The following CYB5R4 variants were observed in gnomAD, a reference collection of about 807,000 sequenced individuals.
CYB5R4 encodes N-terminal cytochrome b5 and cytochrome b5 oxidoreductase domain-containing protein.
In CYB5R4, 55 loss-of-function variants were observed where a neutral mutation model predicts 70.2. The ratio of observed to expected loss-of-function variants is 0.78; its 90% CI spans 0.63 to 0.98. The LOEUF is 0.98. Ranked by LOEUF, CYB5R4 falls within the 50% of genes least tolerant of loss-of-function variation. The probability of loss-of-function intolerance (pLI) is 0.00; values close to 1 mark genes in which losing one functional copy is unlikely to be tolerated. For missense variants in CYB5R4, 562 were observed against 612.6 expected, an observed-to-expected ratio of 0.92 and a Z score of 0.87; for synonymous variants, 197 against 199.5, an observed-to-expected ratio of 0.99 and a Z score of 0.11.
intron 10 of CYB5R4, among the ~76,000 whole-genome samples, chr6:83,925,810 A>G (rs981050341): frequency 1.3e-5 from 2 of 152,114 alleles, no homozygotes; most frequent in South Asian, 2.1e-4. Context: ...TCTTCTAATT[A>G]TCTTATCTTT....
chr6:83,955,784 G>A (rs1487141006), intron 15 of CYB5R4, among the ~76,000 whole-genome samples: 1 of 152,086 alleles, frequency 6.6e-6, no homozygotes, highest in Non-Finnish European at 1.5e-5. Flanking sequence ...TTCCATCAAA[G>A]CTTCATAATA....
At chr6:83,893,193 C>G (rs1175012684) in intron 2 of CYB5R4, among the ~76,000 whole-genome samples, 1 of 152,212 alleles carries the variant, frequency 6.6e-6, no homozygotes, top group Admixed American at 6.5e-5. Flanking sequence ...GCCCTCTTCA[C>G]ATAGCACTCT....
intron 10 of CYB5R4, among the ~76,000 whole-genome samples, chr6:83,925,287 C>T (rs1048831797): frequency 5.9e-5 from 9 of 151,994 alleles, no homozygotes; most frequent in African/African-American, 1.7e-4. Context: ...AACTCTGTCA[C>T]GAGAACACCA....
rs180748821 is a variant in CYB5R4, at chr6:83,877,224, A to G, written c.229+12896A>G. Among the ~76,000 whole-genome samples the G allele has an allele frequency of 2.2e-3, 338 of 152,218 alleles. 6 individuals are homozygous for G. The South Asian group carries it at 0.035, about 16-fold the overall frequency. On this transcript the variant is annotated intron_variant, in intron 2 of 15. Transcript: ENST00000369681. ...TATTTTGCCTTCATTTTAAAGATAT[A>G]TTGTCATTGAGCATACATTTCTAGA...
chr6:83,862,830 C>G (rs562172653), intron 1 of CYB5R4, among the ~76,000 whole-genome samples: 5 of 152,124 alleles, frequency 3.3e-5, no homozygotes, highest in Non-Finnish European at 7.3e-5. Context: ...TCTCACACTT[C>G]ATTTATTGGG....
intron 5 of CYB5R4, among the ~76,000 whole-genome samples, chr6:83,916,391 A>G (rs2129139189): frequency 1.3e-5 from 2 of 152,290 alleles, no homozygotes; most frequent in East Asian, 1.9e-4. Flanking sequence ...ATTTTTATTT[A>G]TATACTTAAG....
intron 3 of CYB5R4, among the ~76,000 whole-genome samples, chr6:83,906,035 G>A (rs1554418366): frequency 6.6e-6 from 1 of 152,140 alleles, no homozygotes; most frequent in South Asian, 2.1e-4. Flanking sequence ...AGGCAGAGGG[G>A]GGTGAGGCCA....
chr6:83,924,250 T>C (rs766192830), intron 9 of CYB5R4, among the ~76,000 whole-genome samples: 1 of 151,364 alleles, frequency 6.6e-6, no homozygotes, highest in Non-Finnish European at 1.5e-5. Flanking sequence ...ATAAATTAGT[T>C]TGAAAGAACT....
intron 2 of CYB5R4, among the ~76,000 whole-genome samples, chr6:83,879,946 C>T (rs984142485): frequency 2.6e-5 from 4 of 152,074 alleles, no homozygotes; most frequent in Admixed American, 6.5e-5. Context: ...CTCAGAGGGG[C>T]GTGTCATCCT....
intron 2 of CYB5R4, among the ~76,000 whole-genome samples, chr6:83,887,350 C>T (rs2099460414): frequency 6.6e-6 from 1 of 152,120 alleles, no homozygotes; most frequent in Non-Finnish European, 1.5e-5. Flanking sequence ...GTTTACATTT[C>T]TGACAACACA....
At chr6:83,877,509 G>A (rs948789925) in intron 2 of CYB5R4, among the ~76,000 whole-genome samples, 14 of 151,878 alleles carry the variant, frequency 9.2e-5, no homozygotes, top group Admixed American at 5.2e-4. Flanking sequence ...AAGGGAGCTA[G>A]CGTGTACAAA....
At chr6:83,884,950 T>G (rs1353220755) in intron 2 of CYB5R4, among the ~76,000 whole-genome samples, 1 of 152,216 alleles carries the variant, frequency 6.6e-6, no homozygotes, top group Non-Finnish European at 1.5e-5. Flanking sequence ...ACGCTTTTAC[T>G]TAAAGCAGTG....
intron 1 of CYB5R4, among the ~76,000 whole-genome samples, chr6:83,860,944 T>A (rs1298850254): frequency 6.6e-6 from 1 of 152,244 alleles, no homozygotes; most frequent in Non-Finnish European, 1.5e-5. Flanking sequence ...TAAGAAATAT[T>A]GCCCTAAATT....
chr6:83,876,497 G>C (rs1588560844), intron 2 of CYB5R4, among the ~76,000 whole-genome samples: 1 of 59,336 alleles, frequency 1.7e-5, no homozygotes, highest in Non-Finnish European at 4.6e-5. Flanking sequence ...ATACTTCTTT[G>C]CTTTTTTTTT....
At chr6:83,868,871 G>A (rs2099457138) in intron 2 of CYB5R4, among the ~76,000 whole-genome samples, 1 of 152,168 alleles carries the variant, frequency 6.6e-6, no homozygotes, top group African/African-American at 2.4e-5. Flanking sequence ...TGGGCAGCAT[G>A]GTTCACCCTT....
At chr6:83,906,000 T>C (rs1359617767) in intron 3 of CYB5R4, among the ~76,000 whole-genome samples, 1 of 152,112 alleles carries the variant, frequency 6.6e-6, no homozygotes, top group East Asian at 1.9e-4. Flanking sequence ...GGCAATCTCC[T>C]GGCCCTCAAA....
intron 11 of CYB5R4, among the ~76,000 whole-genome samples, chr6:83,935,176 G>A (rs954718475): frequency 6.6e-6 from 1 of 152,164 alleles, no homozygotes; most frequent in African/African-American, 2.4e-5. Flanking sequence ...TGTGCTACCA[G>A]TATAAGAAGC....
intron 2 of CYB5R4, among the ~76,000 whole-genome samples, chr6:83,876,718 C>G (rs2099458615): frequency 6.6e-6 from 1 of 152,090 alleles, no homozygotes; most frequent in African/African-American, 2.4e-5. Context: ...TATACAGTTA[C>G]TTATCTTTCA....
At chr6:83,957,061 AAATAT>A (rs1309248699) in intron 15 of CYB5R4, among the ~76,000 whole-genome samples, 1 of 151,882 alleles carries the variant, frequency 6.6e-6, no homozygotes, top group Non-Finnish European at 1.5e-5. Flanking sequence ...ATTTTTAATT[AAATAT>A]ATTTCTATTT....
Sources: gnomAD v4.1 joint callset for allele counts (sites outside exome capture counted in the v4.1 genomes callset) on GRCh38, gnomAD v4.1.1 for gene constraint, MANE v1.5 for transcripts, NCBI Gene and HGNC (gene_info 2026-07-23, HGNC 2026-07-21) for gene names.